TMEM59L: variants seen among roughly 807,000 people sequenced by gnomAD.
TMEM59L encodes the protein transmembrane protein 59 like.
Under a neutral mutation model 39.6 loss-of-function variants are expected in TMEM59L, and 31 were observed. The ratio of observed to expected loss-of-function variants is 0.78; its 90% confidence interval spans 0.59 to 1.06. The LOEUF (loss-of-function observed/expected upper bound fraction) is 1.06, where lower values mean the gene tolerates loss of function less well. Ranked by LOEUF, TMEM59L falls within the 50% of genes least tolerant of loss-of-function variation. The pLI is 0.00. For synonymous variants in TMEM59L, 219 were observed against 202.9 expected (o/e 1.08, Z -0.68); for missense variants, 441 against 451.3 (o/e 0.98, Z 0.21).
chr19:18,618,373 A>G lies in TMEM59L; in HGVS notation c.783-2A>G. On this transcript the variant is annotated splice_acceptor_variant, in intron 6 of 7. Transcript: ENST00000262817. LOFTEE classifies it high-confidence loss of function. ...CTGAGTGGTGCCTGCCGGGCGGGGC[A>G]GGCGCTCGGGTCTGCCTCGCTGGAT... The G allele has an allele frequency of 6.2e-7, 1 of 1,606,536 alleles. No individual in the cohort carries two copies. Among genetic ancestry groups the G allele is most frequent in the Non-Finnish European group, 8.5e-7 (1 of 1,178,678 alleles).
At chr19:18,619,699 G>C (rs1976471922) in intron 7 of TMEM59L, among the ~76,000 whole-genome samples, 1 of 151,598 alleles carries the variant, frequency 6.6e-6, no homozygotes, top group Admixed American at 6.6e-5. Flanking sequence ...AGCTACTCGG[G>C]AGGCTGAGGC....
Position 18,615,961 on chromosome 19 carries a change from C to G in TMEM59L, c.409-14C>G. 1.2e-6 allele frequency: 2 copies of G among 1,612,186 alleles called. No individual in the cohort carries two copies. The highest frequency in any genetic ancestry group is 1.7e-6 in the Non-Finnish European group (2 of 1,178,822). On this transcript the variant is annotated splice_polypyrimidine_tract_variant and intron_variant, in intron 3 of 7. Transcript: ENST00000262817. ...TTCGGTGCCATCTTTGTGTCTTGGACCTTTTTTCACCAGAGAAAGGTCCTG... is the reference window on the plus strand; with the variant it reads ...TTCGGTGCCATCTTTGTGTCTTGGAGCTTTTTTCACCAGAGAAAGGTCCTG...
intron 1 of TMEM59L, 86 bp from the exon 2 acceptor site, chr19:18,613,786 T>C: frequency 8.9e-7 from 1 of 1,121,728 alleles, no homozygotes; most frequent in South Asian, 1.4e-5. Flanking sequence ...GGGAAGCCTT[T>C]CCCTGCCTCT....
At chr19:18,620,209 G>A (rs1976479954) in intron 7 of TMEM59L, among the ~76,000 whole-genome samples, 199 bp from the exon 8 acceptor site, 1 of 151,914 alleles carries the variant, frequency 6.6e-6, no homozygotes, top group Non-Finnish European at 1.5e-5. Flanking sequence ...GGCTGAGAAA[G>A]GAGAATCGCT....
chr19:18,615,175 G>A lies in TMEM59L; in HGVS notation c.409-800G>A, dbSNP rs142889103. On this transcript the variant is annotated intron_variant, in intron 3 of 7. Coordinates refer to ENST00000262817, the MANE Select transcript of TMEM59L (RefSeq NM_012109.3). ...TTTTTGTATTTTTAGGAGAGACAGG[G>A]TTTCATCATGTTGGCCAGGCTGATC... 2.0e-3 allele frequency among the ~76,000 whole-genome samples: 302 copies of A among 152,200 alleles called. 1 individual carries two copies. The highest frequency in any genetic ancestry group is 3.0e-3 in the Non-Finnish European group (207 of 68,020).
intron 1 of TMEM59L, 92 bp from the exon 2 acceptor site, chr19:18,613,780 A>G (rs556378179): frequency 2.0e-6 from 2 of 990,804 alleles, no homozygotes; most frequent in East Asian, 2.4e-5. Flanking sequence ...GGAGCGGGGA[A>G]GCCTTTCCCT....
intron 4 of TMEM59L, 119 bp from the exon 5 acceptor site, chr19:18,616,881 T>C: frequency 1.3e-6 from 1 of 751,052 alleles, no homozygotes; most frequent in South Asian, 1.7e-5. Context: ...AGCCCACCCC[T>C]GATACCCAGG....
intron 7 of TMEM59L, among the ~76,000 whole-genome samples, chr19:18,620,129 C>T (rs1976479085): frequency 6.6e-6 from 1 of 151,512 alleles, no homozygotes; most frequent in Admixed American, 6.6e-5. Flanking sequence ...TAGTGAAACC[C>T]CATATCTACT....
chr19:18,617,975 A>G, intron 5 of TMEM59L, 180 bp from the exon 6 acceptor site: 1 of 647,206 alleles, frequency 1.5e-6, no homozygotes, highest in Admixed American at 2.6e-5. Context: ...TTCATCTCCT[A>G]GGATCCATCT....
chr19:18,613,073 A>G lies in TMEM59L; in HGVS notation c.115A>G (p.Thr39Ala). 3 of 1,367,628 alleles carry G rather than the reference A, an allele frequency of 2.2e-6. No homozygotes were observed. The highest frequency in any genetic ancestry group is 3.5e-5 in the Admixed American group (1 of 28,958). The allele number at this position is 1,367,628 out of a possible 1,614,324, so 84.7% of individuals were successfully genotyped here. Reference sequence around the variant, plus strand: ...TCCCTTCGCCCCCCAGCTCGGGGACACGCAGAACTGCCAGCTGCGGTGCCG... The same window carrying G: ...TCCCTTCGCCCCCCAGCTCGGGGACGCGCAGAACTGCCAGCTGCGGTGCCG... ...RDPFAPQLGD[T>A]QNCQLRCRDR... The change falls in exon 1 of 8, where the codon ACG (threonine) becomes GCG (alanine). Residue 39 changes from threonine to alanine, a missense_variant. By Grantham distance (58) the Thr-to-Ala change is moderately conservative. Transcript: ENST00000262817.
chr19:18,617,600 G>T (rs1211553310), intron 5 of TMEM59L: 2 of 455,604 alleles, frequency 4.4e-6, no homozygotes, highest in South Asian at 3.1e-5. Flanking sequence ...ATCTCCTAGG[G>T]TCCATCTCCA....
In TMEM59L at chr19:18,613,712, C is replaced by A. The variant is rs565795794; in HGVS notation, c.172-160C>A. ...CCATCTCCCTCCTCAGAGCTAAGAG[C>A]CCCCACTAATATTTGTAGCCTCTCC... On this transcript the variant is annotated intron_variant, in intron 1 of 7. Transcript: ENST00000262817. Among the ~76,000 whole-genome samples, 10 of 152,256 alleles carry A rather than the reference C, an allele frequency of 6.6e-5. No homozygotes were observed. The South Asian group carries it at 2.1e-3, about 32-fold the overall frequency.
Position 18,614,170 on chromosome 19 carries a change from C to T in TMEM59L, c.383C>T (p.Pro128Leu). The part of the protein sequence containing the change: ...QACSHGCWSQ[P>L]AEPEPEQKRK... Reference sequence around the variant, plus strand: ...TGTAGCCACGGCTGCTGGAGCCAGCCCGCGGAGCCTGAGCCGGAGCAGAAG... The same window carrying T: ...TGTAGCCACGGCTGCTGGAGCCAGCTCGCGGAGCCTGAGCCGGAGCAGAAG... The change falls in exon 3 of 8, where the codon CCC becomes CTC. Residue 128 changes from proline to leucine, a missense_variant. Transcript: ENST00000262817. The T allele has an allele frequency of 6.2e-7, 1 of 1,606,256 alleles. No individual in the cohort carries two copies. The highest frequency in any genetic ancestry group is 2.2e-5 in the East Asian group (1 of 44,688).
intron 1 of TMEM59L, 109 bp downstream of exon 1, chr19:18,613,238 T>A: frequency 1.0e-6 from 1 of 971,760 alleles, no homozygotes; most frequent in South Asian, 4.8e-5. Context: ...TTGGTGGGGG[T>A]GTCCGTGGGG....
At chr19:18,616,546 C>T (rs1976430063) in intron 4 of TMEM59L, among the ~76,000 whole-genome samples, 1 of 152,120 alleles carries the variant, frequency 6.6e-6, no homozygotes, top group Admixed American at 6.6e-5. Context: ...GCGGCCACCA[C>T]CACACCCACC....
intron 1 of TMEM59L, 26 bp from the exon 2 acceptor site, chr19:18,613,846 G>C (rs745961577): frequency 4.4e-6 from 7 of 1,585,038 alleles, no homozygotes; most frequent in Non-Finnish European, 6.0e-6. Context: ...CCCATGGCCT[G>C]AGCCCCCTGT....
At chr19:18,614,566 G>A (rs866535035) in intron 3 of TMEM59L, among the ~76,000 whole-genome samples, 152 of 152,346 alleles carry the variant, frequency 1.0e-3, no homozygotes, top group African/African-American at 3.5e-3. Context: ...GGCTGTGCAA[G>A]GGGCGAGATT....
chr19:18,613,102 C>T lies in TMEM59L; in HGVS notation c.144C>T (p.Asp48=). Residue 48 remains aspartate, a synonymous_variant, in exon 1 of 8, where the codon GAC becomes GAT. Transcript: ENST00000262817. ...AGAACTGCCAGCTGCGGTGCCGCGA[C>T]CGCGACCTCGGCCCGCAGCCCTCGC... is the stretch of plus-strand genomic sequence containing the variant. ...DTQNCQLRCR[D]RDLGPQPSQA... is the part of the protein sequence containing the mutation. 7.6e-7 allele frequency: 1 copy of T among 1,317,500 alleles called. No individual in the cohort carries two copies. The highest frequency in any genetic ancestry group is 4.0e-5 in the Admixed American group (1 of 24,804). 81.6% of individuals were successfully genotyped at this position (1,317,500 alleles called of 1,614,324 possible).
At chr19:18,615,106 C>CT (rs1976413916) in intron 3 of TMEM59L, among the ~76,000 whole-genome samples, 1 of 152,086 alleles carries the variant, frequency 6.6e-6, no homozygotes, top group Non-Finnish European at 1.5e-5. Flanking sequence ...CCTCAGCCTC[C>CT]TTTGTAGGTG....
Sources: allele counts gnomAD v4.1 joint callset (sites outside exome capture counted in the v4.1 genomes callset), GRCh38; gene constraint gnomAD v4.1.1; transcripts MANE v1.5; gene names NCBI Gene and HGNC (gene_info 2026-07-23, HGNC 2026-07-21).